KLF8: variants seen among roughly 807,000 people sequenced by gnomAD.
The protein encoded by KLF8 is KLF transcription factor 8.
In KLF8, 10 loss-of-function variants were observed where a neutral mutation model predicts 18.2. That is an observed-to-expected ratio of 0.55 (90% confidence interval 0.34 to 0.93). The LOEUF is 0.93. Among genes scored for constraint, KLF8 ranks in the 40% least tolerant of loss-of-function variants. The pLI is 0.02. For missense variants in KLF8, 264 were observed against 277.9 expected, an observed-to-expected ratio of 0.95 and a Z score of 0.36; for synonymous variants, 109 against 97.3, an observed-to-expected ratio of 1.12 and a Z score of -0.71.
chrX:56,204,920 C>T, the KLF8 span, among the ~76,000 whole-genome samples: 1 of 110,710 alleles, frequency 9.0e-6, no homozygotes, highest in Admixed American at 9.7e-5. Context: ...GTGTGACATG[C>T]TTTACTGAAT....
chrX:55,978,886 A>G, the KLF8 span, among the ~76,000 whole-genome samples: 3 of 111,819 alleles, frequency 2.7e-5, no homozygotes, highest in Admixed American at 9.5e-5. Context: ...AAAGAAGGCA[A>G]TCATATATCT....
chrX:56,134,304 G>T, the KLF8 span, among the ~76,000 whole-genome samples: 2 of 111,701 alleles, frequency 1.8e-5, no homozygotes, highest in Non-Finnish European at 3.8e-5. Flanking sequence ...GAATGGTACT[G>T]GTATAAAAAT....
the KLF8 span, among the ~76,000 whole-genome samples, chrX:56,154,199 A>AACCAAAACAGCATGGTACTGGT: frequency 6.4e-3 from 710 of 110,607 alleles, 17 homozygotes; most frequent in African/African-American, 0.023. Flanking sequence ...AGGCTACAGT[A>AACCAAAACAGCATGGTACTGGT]ACCAAAACAG....
chrX:55,984,347 G>T, the KLF8 span, among the ~76,000 whole-genome samples: 1 of 111,175 alleles, frequency 9.0e-6, no homozygotes. Flanking sequence ...TTATAAGTGA[G>T]AACATATGGT....
At chrX:56,090,126 T>C in the KLF8 span, among the ~76,000 whole-genome samples, 3 of 111,952 alleles carry the variant, frequency 2.7e-5, no homozygotes, top group Non-Finnish European at 5.6e-5. Context: ...CACAGGCTCA[T>C]CGAAAGATTA....
At chrX:55,945,392 C>T in the KLF8 span, among the ~76,000 whole-genome samples, 2 of 111,140 alleles carry the variant, frequency 1.8e-5, no homozygotes, top group Non-Finnish European at 3.8e-5. Context: ...TCCTTGTTAA[C>T]GTTCTGTCTC....
At chrX:56,232,335 C>T (rs1335139293), upstream of KLF8, 1 of 104,526 alleles carries the variant, frequency 9.6e-6, no homozygotes, top group Admixed American at 1.0e-4. Context: ...TTCTCAGCCC[C>T]ACCCTTCTCC....
the KLF8 span, among the ~76,000 whole-genome samples, chrX:55,946,063 A>G: frequency 3.2e-4 from 36 of 111,953 alleles, 1 homozygote; most frequent in African/African-American, 1.1e-3. Flanking sequence ...ATACTGCCCA[A>G]GGTAATTTAT....
chrX:56,270,415 A>C (rs2067041421), intron 5 of KLF8, 94 bp downstream of exon 5: 6 of 988,034 alleles, frequency 6.1e-6, no homozygotes, highest in African/African-American at 1.9e-5. Flanking sequence ...AGAGAGAGAG[A>C]GAGAGAGGGG....
chrX:56,111,492 AC>A, the KLF8 span, among the ~76,000 whole-genome samples: 11 of 111,910 alleles, frequency 9.8e-5, no homozygotes, highest in Non-Finnish European at 3.8e-5. Flanking sequence ...ATCTAATTAA[AC>A]TAAAGAGCTT....
chrX:55,981,363 T>A, the KLF8 span, among the ~76,000 whole-genome samples: 1 of 111,996 alleles, frequency 8.9e-6, no homozygotes, highest in Non-Finnish European at 1.9e-5. Flanking sequence ...GGCTACACTA[T>A]TGGCAGCAGT....
the KLF8 span, among the ~76,000 whole-genome samples, chrX:56,013,603 G>C: frequency 9.0e-6 from 1 of 111,506 alleles, no homozygotes; most frequent in Non-Finnish European, 1.9e-5. Flanking sequence ...ACCAGGTGGA[G>C]ATAATTGAAT....
the KLF8 span, among the ~76,000 whole-genome samples, chrX:56,184,394 C>T: frequency 8.9e-6 from 1 of 112,601 alleles, no homozygotes; most frequent in South Asian, 3.7e-4. Flanking sequence ...TGGAGCCCAC[C>T]ACAGCTCAAG....
chrX:55,915,645 A>G, the KLF8 span, among the ~76,000 whole-genome samples: 1 of 112,271 alleles, frequency 8.9e-6, no homozygotes, highest in Non-Finnish European at 1.9e-5. Context: ...ATGATTTCAC[A>G]TAAAATAAGC....
chrX:56,101,940 C>A, the KLF8 span, among the ~76,000 whole-genome samples: 5 of 111,376 alleles, frequency 4.5e-5, no homozygotes, highest in African/African-American at 1.6e-4. Context: ...CTGTGCAGAA[C>A]CCCTCTAGTT....
chrX:56,011,754 T>TA, the KLF8 span, among the ~76,000 whole-genome samples: 1 of 110,711 alleles, frequency 9.0e-6, no homozygotes, highest in Admixed American at 9.6e-5. Flanking sequence ...ATAGACACAA[T>TA]AAAAAATGAT....
At chrX:56,031,579 G>C in the KLF8 span, among the ~76,000 whole-genome samples, 1 of 111,698 alleles carries the variant, frequency 9.0e-6, no homozygotes. Flanking sequence ...TTGCCTACCC[G>C]GGAGCGCTCT....
At chrX:56,104,766 G>T in the KLF8 span, among the ~76,000 whole-genome samples, 57,896 of 109,624 alleles carry the variant, frequency 0.53, 13,631 homozygotes, top group Non-Finnish European at 0.73. Flanking sequence ...GCTTTTGAAT[G>T]TGTTTACTCT....
chrX:56,014,950 C>T, the KLF8 span: 5 of 101,354 alleles, frequency 4.9e-5, no homozygotes, highest in Admixed American at 1.2e-4. Flanking sequence ...ATGATGAGAA[C>T]ATTTGGACAT....
Sources: allele counts gnomAD v4.1 joint callset (sites outside exome capture counted in the v4.1 genomes callset), GRCh38; gene constraint gnomAD v4.1.1; transcripts MANE v1.5; gene names NCBI Gene and HGNC (gene_info 2026-07-23, HGNC 2026-07-21).